Variants in PPM1H observed in about 807,000 individuals in gnomAD.
PPM1H encodes protein phosphatase, Mg2+/Mn2+ dependent 1H.
PPM1H carries 27 observed loss-of-function variants against 54.9 expected under a neutral mutation model. That is an observed-to-expected ratio of 0.49 (90% CI 0.36 to 0.68). The LOEUF (loss-of-function observed/expected upper bound fraction) is 0.68. Ranked by LOEUF, PPM1H falls within the 30% of genes least tolerant of loss-of-function variation. The pLI, the probability that PPM1H is intolerant of heterozygous loss-of-function variation, is 0.00. For synonymous variants in PPM1H, 305 were observed against 270.8 expected (o/e 1.13, Z -1.24); for missense variants, 596 against 667.8 (o/e 0.89, Z 1.19).
intron 8 of PPM1H, among the ~76,000 whole-genome samples, chr12:62,683,157 G>T (rs1222093207): frequency 6.7e-6 from 1 of 148,640 alleles, no homozygotes; most frequent in Non-Finnish European, 1.5e-5. Flanking sequence ...TGATCTTCTC[G>T]CCTTGGCCTC....
chr12:62,755,525 T>C, intron 4 of PPM1H: 1 of 661,390 alleles, frequency 1.5e-6, no homozygotes, highest in Non-Finnish European at 2.8e-6. Flanking sequence ...TCCACCGGTG[T>C]CTTCACCACC....
chr12:62,719,266 C>T (rs2076251411), intron 6 of PPM1H, among the ~76,000 whole-genome samples: 1 of 152,170 alleles, frequency 6.6e-6, no homozygotes, highest in South Asian at 2.1e-4. Flanking sequence ...TCTGCTATTG[C>T]TATTTTGGTC....
At chr12:62,748,850 AT>A (rs2076426637) in intron 4 of PPM1H, among the ~76,000 whole-genome samples, 1 of 152,156 alleles carries the variant, frequency 6.6e-6, no homozygotes, top group Non-Finnish European at 1.5e-5. Context: ...TGGGCTGTTA[AT>A]TGTCTTTAAC....
At chr12:62,906,053 ATGGAGCCTAGCCAGATGACCAG>A (rs1485655820) in intron 1 of PPM1H, among the ~76,000 whole-genome samples, 1 of 152,234 alleles carries the variant, frequency 6.6e-6, no homozygotes, top group Non-Finnish European at 1.5e-5. Context: ...CAAATATAAA[ATGGAGCCTAGCCAGATGACCAG>A]TGGCTTGGAT....
chr12:62,933,616 G>C (rs12301080), intron 1 of PPM1H, among the ~76,000 whole-genome samples: 10,915 of 152,214 alleles, frequency 0.072, 787 homozygotes, highest in East Asian at 0.34. Context: ...GTACAGCTGA[G>C]GTAGTAGATA....
chr12:62,934,376 G>A lies in PPM1H; in HGVS notation c.245+116C>T. The A allele has an allele frequency of 7.5e-7, 1 of 1,338,098 alleles. No individual in the cohort carries two copies. Among genetic ancestry groups the A allele is most frequent in the Non-Finnish European group, 9.7e-7 (1 of 1,026,280 alleles). The allele number at this position is 1,338,098 out of a possible 1,614,324, so 82.9% of individuals were successfully genotyped here. On this transcript the variant is annotated intron_variant, in intron 1 of 9. Transcript: ENST00000228705. The surrounding 1 kb of genome is among the most constrained non-coding windows in gnomAD (Gnocchi z 4.2). ...GTAAAGAGCTCCCCGCCGAGGCCTGGACGCCGGCAGCTAGTGAGAGCCCTG... is the reference window on the plus strand; with the variant it reads ...GTAAAGAGCTCCCCGCCGAGGCCTGAACGCCGGCAGCTAGTGAGAGCCCTG...
chr12:62,680,107 C>T (rs1329269748), intron 8 of PPM1H, among the ~76,000 whole-genome samples: 1 of 152,174 alleles, frequency 6.6e-6, no homozygotes, highest in Non-Finnish European at 1.5e-5. Context: ...TAGAGATTTC[C>T]TTGACCAACA....
At position 62,693,950 on chromosome 12, in the gene PPM1H, C is replaced by T; in HGVS notation, c.1123G>A (p.Gly375Arg). ...CACGTGCCTACCTTCTTGCCTTCTC[C>T]ATATATAAGGGGGAACTTCAAGTCC... is the stretch of plus-strand genomic sequence containing the variant. ...DEDLKFPLIY[G>R]EGKKARVMAT... The change falls in exon 7 of 10, where the codon GGA (glycine) becomes AGA (arginine). Residue 375 changes from glycine (G) to arginine (R), a missense_variant. By Grantham distance (125) the Gly-to-Arg change is moderately radical. Coordinates refer to ENST00000228705, the MANE Select transcript of PPM1H (RefSeq NM_020700.2). The T allele has an allele frequency of 6.2e-7, 1 of 1,612,900 alleles. No individual in the cohort carries two copies. Among genetic ancestry groups the T allele is most frequent in the Non-Finnish European group, 8.5e-7 (1 of 1,179,508 alleles).
chr12:62,817,161 GAAAAA>G (rs1179706449), intron 2 of PPM1H, among the ~76,000 whole-genome samples: 3 of 75,296 alleles, frequency 4.0e-5, no homozygotes, highest in Non-Finnish European at 8.8e-5. Context: ...CTAAAAAAAA[GAAAAA>G]AAAAAAAAAA....
At chr12:62,733,679 G>A (rs12302279) in intron 5 of PPM1H, among the ~76,000 whole-genome samples, 1 of 152,098 alleles carries the variant, frequency 6.6e-6, no homozygotes, top group Non-Finnish European at 1.5e-5. Flanking sequence ...TATGTTCTGA[G>A]TATTTAAACT....
chr12:62,694,725 C>G (rs2076104270), intron 6 of PPM1H, among the ~76,000 whole-genome samples: 1 of 152,200 alleles, frequency 6.6e-6, no homozygotes, highest in Non-Finnish European at 1.5e-5. Context: ...CCAGTTACAG[C>G]TGTTTATCAC....
intron 8 of PPM1H, among the ~76,000 whole-genome samples, chr12:62,683,075 A>ATTG (rs1287499303): frequency 3.4e-4 from 40 of 118,380 alleles, no homozygotes; most frequent in Admixed American, 3.9e-4. Context: ...TATTATTATT[A>ATTG]TTATTATTAT....
intron 1 of PPM1H, among the ~76,000 whole-genome samples, chr12:62,907,893 C>G (rs1275165175): frequency 3.3e-5 from 5 of 152,184 alleles, no homozygotes; most frequent in African/African-American, 1.2e-4. Flanking sequence ...GTAATGCTCT[C>G]TCTACATTCA....
At chr12:62,664,543 G>A (rs2075905641) in intron 9 of PPM1H, among the ~76,000 whole-genome samples, 1 of 152,130 alleles carries the variant, frequency 6.6e-6, no homozygotes. Context: ...AAGAAGCATA[G>A]CATGTGAGCT....
rs142386853 is a variant in PPM1H at position 62,813,134 on chromosome 12, A to G, written c.412-10974T>C. Among the ~76,000 whole-genome samples the G allele has an allele frequency of 3.7e-3, 562 of 152,238 alleles. 1 individual carries two copies. The highest frequency in any genetic ancestry group is 0.013 in the South Asian group (63 of 4,822). On this transcript the variant is annotated intron_variant, in intron 2 of 9. Coordinates refer to ENST00000228705, the MANE Select transcript of PPM1H (RefSeq NM_020700.2). ...GGAGAGGTTCTAGACATAACCTCAG[A>G]CGTTTCCTGTGGAGACCAACAGAAA...
chr12:62,852,098 G>C (rs1159860817), intron 1 of PPM1H, among the ~76,000 whole-genome samples: 1 of 151,268 alleles, frequency 6.6e-6, no homozygotes, highest in African/African-American at 2.4e-5. Flanking sequence ...GCGTGGTGGC[G>C]GGCGCCTGTA....
intron 1 of PPM1H, among the ~76,000 whole-genome samples, chr12:62,855,104 C>G (rs1183965308): frequency 1.4e-5 from 2 of 145,396 alleles, no homozygotes; most frequent in Admixed American, 6.7e-5. Flanking sequence ...AAAGAATGTA[C>G]TGATCCCAGT....
At chr12:62,671,140 G>GT (rs1395572398) in intron 8 of PPM1H, among the ~76,000 whole-genome samples, 2 of 152,040 alleles carry the variant, frequency 1.3e-5, no homozygotes, top group Non-Finnish European at 2.9e-5. Context: ...AAGTTCCCCT[G>GT]TTCAATTCCT....
chr12:62,769,393 G>C (rs901871212), intron 4 of PPM1H, among the ~76,000 whole-genome samples: 9 of 152,224 alleles, frequency 5.9e-5, no homozygotes, highest in Non-Finnish European at 1.2e-4. Flanking sequence ...CTGCGTGTGA[G>C]CAACTGGTCC....
Sources: gnomAD v4.1 joint callset for allele counts (sites outside exome capture counted in the v4.1 genomes callset) on GRCh38, gnomAD v4.1.1 for gene constraint, Gnocchi (gnomAD v3.1) non-coding constraint, MANE v1.5 for transcripts, NCBI Gene and HGNC (gene_info 2026-07-23, HGNC 2026-07-21) for gene names.